Variants in PLCB1 observed in about 807,000 individuals in gnomAD.
PLCB1 encodes 1-phosphatidylinositol 4,5-bisphosphate phosphodiesterase beta-1.
A neutral mutation model predicts 161.8 loss-of-function variants in PLCB1; 46 were observed. The ratio of observed to expected loss-of-function variants is 0.28; its 90% CI spans 0.22 to 0.36. The LOEUF is 0.36. PLCB1 is among the 10% of genes least tolerant of loss of function. The pLI is 1.00. For missense variants in PLCB1, 1,016 were observed against 1,472.5 expected, an observed-to-expected ratio of 0.69 and a Z score of 5.07; for synonymous variants, 517 against 503.7, an observed-to-expected ratio of 1.03 and a Z score of -0.35.
intron 9 of PLCB1, among the ~76,000 whole-genome samples, chr20:8,672,368 T>A (rs1989968272): frequency 6.6e-6 from 1 of 151,680 alleles, no homozygotes; most frequent in Non-Finnish European, 1.5e-5. Flanking sequence ...CTTCTAAGGC[T>A]CTCTTCTTCC....
intron 3 of PLCB1, among the ~76,000 whole-genome samples, chr20:8,444,444 A>G (rs1185199208): frequency 6.6e-6 from 1 of 152,190 alleles, no homozygotes; most frequent in African/African-American, 2.4e-5. Flanking sequence ...AATCCAGTCT[A>G]TCATTGTTGG....
rs908046107 is a variant in PLCB1 at position 8,450,087 on chromosome 20, T to C, written c.246+78637T>C. On this transcript the variant is annotated intron_variant, in intron 3 of 31. Coordinates refer to ENST00000338037, the MANE Select transcript of PLCB1 (RefSeq NM_015192.4). ...TCTACCACACATTAGCATGACCCCGTTGAAGTCTTCAGAAAGCCTAATGAT... is the reference window on the plus strand; with the variant it reads ...TCTACCACACATTAGCATGACCCCGCTGAAGTCTTCAGAAAGCCTAATGAT... Among the ~76,000 whole-genome samples, 3 of 152,190 alleles carry C rather than the reference T, an allele frequency of 2.0e-5. No homozygotes were observed. The South Asian group carries it at 6.2e-4, about 32-fold the overall frequency.
rs1982126640 is a variant in PLCB1 at position 8,473,116 on chromosome 20, C to T, written c.246+101666C>T. On this transcript the variant is annotated intron_variant, in intron 3 of 31. Transcript: ENST00000338037. ...TGTGAGCTAGAAGTCAGTCATATCACCAAACCTCATCCCAAGGGACACTGG... is the reference window on the plus strand; with the variant it reads ...TGTGAGCTAGAAGTCAGTCATATCATCAAACCTCATCCCAAGGGACACTGG... 2.0e-5 allele frequency among the ~76,000 whole-genome samples: 3 copies of T among 152,244 alleles called. No homozygotes were observed. In the South Asian group the frequency reaches 6.2e-4, roughly 32 times the overall value.
chr20:8,521,807 A>G (rs1202891602), intron 3 of PLCB1, among the ~76,000 whole-genome samples: 1 of 152,240 alleles, frequency 6.6e-6, no homozygotes, highest in African/African-American at 2.4e-5. Flanking sequence ...CAGCTATTTT[A>G]TCATAGAAAC....
chr20:8,708,803 C>T (rs752258695), intron 12 of PLCB1, 51 bp downstream of exon 12: 111 of 1,041,080 alleles, frequency 1.1e-4, no homozygotes, highest in Non-Finnish European at 1.5e-4. Flanking sequence ...ATAGGGCATA[C>T]TGAGTAATTG....
chr20:8,476,242 A>G (rs118170953), intron 3 of PLCB1, among the ~76,000 whole-genome samples: 2,162 of 152,316 alleles, frequency 0.014, 36 homozygotes, highest in Admixed American at 0.025. Context: ...AAGTGTTGCA[A>G]TGGATTCTGT....
intron 3 of PLCB1, among the ~76,000 whole-genome samples, chr20:8,557,756 A>G (rs1056595979): frequency 6.6e-6 from 1 of 151,994 alleles, no homozygotes; most frequent in Non-Finnish European, 1.5e-5. Flanking sequence ...TCACTAAAGA[A>G]AGAAACAACT....
At chr20:8,604,194 A>C (rs986795594) in intron 3 of PLCB1, among the ~76,000 whole-genome samples, 3 of 140,238 alleles carry the variant, frequency 2.1e-5, no homozygotes, top group African/African-American at 8.0e-5. Flanking sequence ...TGGAGGTTGC[A>C]GTGAGCCAAG....
intron 3 of PLCB1, among the ~76,000 whole-genome samples, chr20:8,627,887 A>C: frequency 6.6e-6 from 1 of 152,320 alleles, no homozygotes; most frequent in East Asian, 1.9e-4. Context: ...CCCTAGTCCT[A>C]CGTAGGCATT....
chr20:8,302,623 T>C (rs1178289556), intron 2 of PLCB1, among the ~76,000 whole-genome samples: 3 of 152,118 alleles, frequency 2.0e-5, no homozygotes, highest in African/African-American at 7.3e-5. Flanking sequence ...TTTAAATATC[T>C]AACTTTTTTC....
intron 3 of PLCB1, among the ~76,000 whole-genome samples, chr20:8,376,118 T>A (rs556467338): frequency 6.6e-6 from 1 of 152,118 alleles, no homozygotes; most frequent in African/African-American, 2.4e-5. Context: ...CTCCCAACTT[T>A]AGTACATGAA....
At chr20:8,470,866 G>C (rs1380148586) in intron 3 of PLCB1, among the ~76,000 whole-genome samples, 2 of 151,010 alleles carry the variant, frequency 1.3e-5, no homozygotes, top group African/African-American at 2.4e-5. Context: ...CTTTGTTTTG[G>C]TCTTGTTTTG....
At chr20:8,525,263 A>T (rs1984536691) in intron 3 of PLCB1, among the ~76,000 whole-genome samples, 1 of 152,108 alleles carries the variant, frequency 6.6e-6, no homozygotes, top group Admixed American at 6.6e-5. Flanking sequence ...AGCCAAAAAA[A>T]AAAAGGAGCT....
intron 10 of PLCB1, among the ~76,000 whole-genome samples, chr20:8,685,570 CAAAAA>C (rs72078385): frequency 8.2e-6 from 1 of 121,614 alleles, no homozygotes; most frequent in African/African-American, 3.2e-5. Context: ...ACTAAAAATA[CAAAAA>C]AAAAAAAAAA....
chr20:8,677,532 C>G (rs1459612784), intron 9 of PLCB1, among the ~76,000 whole-genome samples: 1 of 151,972 alleles, frequency 6.6e-6, no homozygotes, highest in Non-Finnish European at 1.5e-5. Flanking sequence ...CAAAGAGTGC[C>G]CAGCATAGGG....
rs1282448481 is a variant in PLCB1 at position 8,644,188 on chromosome 20, C to T, written c.385-1914C>T. Among the ~76,000 whole-genome samples, 5 of 152,134 alleles carry T rather than the reference C, an allele frequency of 3.3e-5. 1 individual carries two copies. Among genetic ancestry groups the T allele is most frequent in the Non-Finnish European group, 7.3e-5 (5 of 68,042 alleles). On this transcript the variant is annotated intron_variant, in intron 4 of 31. Transcript: ENST00000338037. ...CGCCTGCCTTGGCCTCCCAAAGTGC[C>T]GAGATTGCAGCCTCTGCCCGGCCAC...
intron 2 of PLCB1, among the ~76,000 whole-genome samples, chr20:8,153,008 T>C (rs1191046078): frequency 3.3e-5 from 5 of 152,186 alleles, no homozygotes; most frequent in African/African-American, 1.2e-4. Context: ...CCACTGGCTT[T>C]CCCCTCTGTA....
chr20:8,243,863 C>G (rs1304646020), intron 2 of PLCB1, among the ~76,000 whole-genome samples: 1 of 151,944 alleles, frequency 6.6e-6, no homozygotes, highest in Non-Finnish European at 1.5e-5. Flanking sequence ...AGTAATGAAT[C>G]TGTATGGCAT....
At chr20:8,492,852 G>A (rs538152662) in intron 3 of PLCB1, among the ~76,000 whole-genome samples, 16,490 of 127,068 alleles carry the variant, frequency 0.13, 894 homozygotes, top group African/African-American at 0.19. Context: ...ATATATATGT[G>A]TGTGTGTGTG....
Sources: gnomAD v4.1 joint callset for allele counts (sites outside exome capture counted in the v4.1 genomes callset) on GRCh38, gnomAD v4.1.1 for gene constraint, MANE v1.5 for transcripts, NCBI Gene and HGNC (gene_info 2026-07-23, HGNC 2026-07-21) for gene names.